The following TRDN variants were observed in gnomAD, a reference collection of about 807,000 sequenced individuals.
The protein encoded by TRDN is triadin in skeletal muscle.
TRDN carries 161 observed loss-of-function variants against 149.7 expected under a neutral mutation model. That is an observed-to-expected ratio of 1.08 (90% CI 0.95 to 1.23). The LOEUF (loss-of-function observed/expected upper bound fraction) is 1.23, where lower values mean the gene tolerates loss of function less well. Ranked by LOEUF, TRDN falls within the 50% of genes most tolerant of loss-of-function variation. The pLI, the probability that TRDN is intolerant of heterozygous loss-of-function variation, is 0.00. For synonymous variants in TRDN, 294 were observed against 250.5 expected (o/e 1.17, Z -1.64); for missense variants, 896 against 823.5 (o/e 1.09, Z -1.08).
chr6:123,366,178 A>G lies in TRDN; in HGVS notation c.1278T>C (p.Thr426=), dbSNP rs778287167. Residue 426 remains threonine, a synonymous_variant, in exon 20 of 41, where the codon ACT becomes ACC. Transcript: ENST00000334268. ...CACCAATCTCCTCTTTGGCTCGTTC[A>G]GTTTCTGCAAGTTCAGATATTAAAG... The part of the protein sequence containing the change: ...VPSDKQVKAK[T]ERAKEEIGAV... 34 of 1,612,802 alleles carry G rather than the reference A, an allele frequency of 2.1e-5. No homozygotes were observed. The highest frequency in any genetic ancestry group is 2.9e-5 in the Non-Finnish European group (34 of 1,179,236).
At chr6:123,271,112 GA>G (rs932585096) in intron 30 of TRDN, 26 bp downstream of exon 30, 41 of 1,443,842 alleles carry the variant, frequency 2.8e-5, no homozygotes, top group Middle Eastern at 1.8e-4. Flanking sequence ...ATGAGACATA[GA>G]AAAAAATATA....
chr6:123,438,731 A>G (rs1415301683), intron 11 of TRDN, among the ~76,000 whole-genome samples: 1 of 152,166 alleles, frequency 6.6e-6, no homozygotes, highest in Non-Finnish European at 1.5e-5. Context: ...CACAGTAGTA[A>G]TTTTCAAAAA....
intron 39 of TRDN, among the ~76,000 whole-genome samples, chr6:123,222,655 G>C (rs953210172): frequency 1.3e-5 from 2 of 151,734 alleles, no homozygotes; most frequent in East Asian, 1.9e-4. Context: ...TACTTCGTTG[G>C]CTAGAACAAT....
At chr6:123,631,979 A>G (rs1050521662) in intron 1 of TRDN, among the ~76,000 whole-genome samples, 1 of 152,138 alleles carries the variant, frequency 6.6e-6, no homozygotes, top group African/African-American at 2.4e-5. Context: ...CCCACTAAAA[A>G]TATAATTATT....
At chr6:123,224,192 G>T in intron 38 of TRDN, 61 bp from the exon 39 acceptor site, 1 of 1,521,018 alleles carries the variant, frequency 6.6e-7, no homozygotes, top group Non-Finnish European at 9.1e-7. Context: ...CCCAGAGGAA[G>T]TATTGTATTT....
At chr6:123,615,535 TATAC>T (rs1328910178) in intron 1 of TRDN, among the ~76,000 whole-genome samples, 1 of 143,106 alleles carries the variant, frequency 7.0e-6, no homozygotes, top group Non-Finnish European at 1.5e-5. Context: ...AAAACATGTA[TATAC>T]ACACACACAC....
intron 20 of TRDN, among the ~76,000 whole-genome samples, chr6:123,357,571 T>C (rs1395155882): frequency 6.6e-6 from 1 of 152,130 alleles, no homozygotes; most frequent in African/African-American, 2.4e-5. Flanking sequence ...GTAAGATGTG[T>C]AGTGCCTGAG....
intron 1 of TRDN, among the ~76,000 whole-genome samples, chr6:123,577,952 T>A (rs1216155266): frequency 1.3e-5 from 2 of 152,190 alleles, no homozygotes; most frequent in African/African-American, 2.4e-5. Flanking sequence ...AAGTGTCTTT[T>A]CATGTCCTTT....
intron 1 of TRDN, among the ~76,000 whole-genome samples, chr6:123,588,626 C>T (rs959855774): frequency 2.6e-5 from 4 of 152,174 alleles, no homozygotes; most frequent in African/African-American, 7.2e-5. Flanking sequence ...TAACAAAATA[C>T]TATCCCTAGT....
chr6:123,250,853 G>C (rs1179567377), intron 38 of TRDN, among the ~76,000 whole-genome samples: 2 of 151,988 alleles, frequency 1.3e-5, no homozygotes, highest in Admixed American at 6.6e-5. Flanking sequence ...TTTTGGCCTT[G>C]AATATTCTCT....
At position 123,571,177 on chromosome 6, in the gene TRDN, G is replaced by T. The variant is rs767074534; in HGVS notation, c.23-45C>A. On this transcript the variant is annotated intron_variant, in intron 1 of 40. Coordinates refer to ENST00000334268, the MANE Select transcript of TRDN (RefSeq NM_006073.4). Reference sequence around the variant, plus strand: ...GGAAAATATAATTTAGAGATTCATGGTAAATATTGATGATGAGAAACACTG... The same window carrying T: ...GGAAAATATAATTTAGAGATTCATGTTAAATATTGATGATGAGAAACACTG... The T allele has an allele frequency of 1.7e-4, 277 of 1,592,310 alleles. 1 individual carries two copies. The highest frequency in any genetic ancestry group is 4.4e-5 in the Non-Finnish European group (51 of 1,164,218).
At chr6:123,307,393 A>G (rs1262654969) in intron 24 of TRDN, among the ~76,000 whole-genome samples, 3 of 151,894 alleles carry the variant, frequency 2.0e-5, no homozygotes, top group Non-Finnish European at 2.9e-5. Flanking sequence ...CCTCCTCTTC[A>G]TGGAATACTT....
intron 38 of TRDN, among the ~76,000 whole-genome samples, chr6:123,228,966 A>G (rs1775492152): frequency 6.6e-6 from 1 of 152,002 alleles, no homozygotes; most frequent in Non-Finnish European, 1.5e-5. Context: ...TTGAAAATAA[A>G]GACAATGAAG....
Position 123,629,639 on chromosome 6 carries a change from T to C in TRDN, c.22+7115A>G, listed in dbSNP as rs1044281780. ...AATTAGAAAATATCTAAACCACATATATTTAAATGTAATATTTAAAGTACA... is the reference window on the plus strand; with the variant it reads ...AATTAGAAAATATCTAAACCACATACATTTAAATGTAATATTTAAAGTACA... On this transcript the variant is annotated intron_variant, in intron 1 of 40. Coordinates refer to ENST00000334268, the MANE Select transcript of TRDN (RefSeq NM_006073.4). Among the ~76,000 whole-genome samples, 7 of 152,212 alleles carry C rather than the reference T, an allele frequency of 4.6e-5. No homozygotes were observed. In the East Asian group the frequency reaches 1.2e-3, roughly 25 times the overall value.
intron 1 of TRDN, among the ~76,000 whole-genome samples, chr6:123,606,880 A>G (rs1376667758): frequency 6.6e-6 from 1 of 152,206 alleles, no homozygotes; most frequent in Non-Finnish European, 1.5e-5. Flanking sequence ...TCTTTATACT[A>G]TATACAATCA....
At chr6:123,369,464 C>T (rs947591869) in intron 19 of TRDN, among the ~76,000 whole-genome samples, 6 of 152,126 alleles carry the variant, frequency 3.9e-5, no homozygotes, top group Non-Finnish European at 7.4e-5. Flanking sequence ...GTCATCGAAG[C>T]TGAAGGAAGA....
At chr6:123,221,841 G>A (rs1775159638) in intron 39 of TRDN, among the ~76,000 whole-genome samples, 1 of 151,666 alleles carries the variant, frequency 6.6e-6, no homozygotes, top group Admixed American at 6.6e-5. Context: ...TCCTGAGAAG[G>A]GATCTTTGAT....
At chr6:123,242,832 T>C (rs1776038583) in intron 38 of TRDN, among the ~76,000 whole-genome samples, 1 of 151,868 alleles carries the variant, frequency 6.6e-6, no homozygotes, top group Non-Finnish European at 1.5e-5. Context: ...CCTCAACTCT[T>C]GCAGGCCTCA....
At chr6:123,511,975 T>G (rs1285273436) in intron 7 of TRDN, among the ~76,000 whole-genome samples, 4 of 145,362 alleles carry the variant, frequency 2.8e-5, no homozygotes, top group Admixed American at 7.4e-5. Context: ...AGAACAATCT[T>G]CACTGCCTCT....
Sources: gnomAD v4.1 joint callset for allele counts (sites outside exome capture counted in the v4.1 genomes callset) on GRCh38, gnomAD v4.1.1 for gene constraint, MANE v1.5 for transcripts, NCBI Gene and HGNC (gene_info 2026-07-23, HGNC 2026-07-21) for gene names.